The following PTPN12 variants were observed in gnomAD, a reference collection of about 807,000 sequenced individuals.
The protein encoded by PTPN12 is tyrosine-protein phosphatase non-receptor type 12.
Under a neutral mutation model 97.6 loss-of-function variants are expected in PTPN12, and 29 were observed. The ratio of observed to expected loss-of-function variants is 0.30; its 90% CI spans 0.22 to 0.41. PTPN12 has a LOEUF of 0.41. PTPN12 is among the 10% of genes least tolerant of loss of function. PTPN12 has a pLI of 1.00. For synonymous variants in PTPN12, 327 were observed against 300.4 expected, an observed-to-expected ratio of 1.09 and a Z score of -0.91; for missense variants, 819 against 926.0, an observed-to-expected ratio of 0.88 and a Z score of 1.50.
intron 2 of PTPN12, among the ~76,000 whole-genome samples, chr7:77,573,261 A>G (rs1023887593): frequency 1.3e-5 from 2 of 152,172 alleles, no homozygotes; most frequent in Non-Finnish European, 2.9e-5. Context: ...TATTACAGAA[A>G]TACCATAAAC....
rs981971148 is a variant in PTPN12, at chr7:77,637,136, A to G, written c.2173+88A>G. On this transcript the variant is annotated intron_variant, in intron 16 of 17. Coordinates refer to ENST00000248594, the MANE Select transcript of PTPN12 (RefSeq NM_002835.4). ...TAACATGCTTCATAGTTCATGCTATATAGTTATTTCTGTATGTGAAAATGT... is the reference window on the plus strand; with the variant it reads ...TAACATGCTTCATAGTTCATGCTATGTAGTTATTTCTGTATGTGAAAATGT... The G allele has an allele frequency of 1.1e-5, 12 of 1,061,106 alleles. No individual in the cohort carries two copies. In the Admixed American group the frequency reaches 1.9e-4, roughly 17 times the overall value. 65.7% of individuals were successfully genotyped at this position (1,061,106 alleles called of 1,614,324 possible).
chr7:77,547,340 C>T (rs553811282), intron 1 of PTPN12, among the ~76,000 whole-genome samples: 1 of 152,226 alleles, frequency 6.6e-6, no homozygotes, highest in African/African-American at 2.4e-5. Context: ...TTCCTGGGGG[C>T]AGTGGGTGGG....
intron 8 of PTPN12, among the ~76,000 whole-genome samples, chr7:77,605,454 C>G (rs1394065109): frequency 9.1e-6 from 1 of 110,484 alleles, no homozygotes; most frequent in African/African-American, 3.6e-5. Flanking sequence ...GAGTCTCGCT[C>G]TGTCGCCCAA....
At chr7:77,557,627 A>G (rs1198385139) in intron 1 of PTPN12, among the ~76,000 whole-genome samples, 1 of 152,204 alleles carries the variant, frequency 6.6e-6, no homozygotes. Flanking sequence ...ACACTGTGCA[A>G]TTAGGACTCT....
intron 11 of PTPN12, among the ~76,000 whole-genome samples, chr7:77,614,457 T>C (rs1456726199): frequency 6.6e-6 from 1 of 152,208 alleles, no homozygotes. Context: ...ATAATACCCA[T>C]AGCAGATAAG....
At chr7:77,630,741 A>G (rs1789370221) in intron 13 of PTPN12, among the ~76,000 whole-genome samples, 1 of 152,224 alleles carries the variant, frequency 6.6e-6, no homozygotes, top group Non-Finnish European at 1.5e-5. Context: ...TATCAATTCT[A>G]ATTTCAGTCT....
In PTPN12 at chr7:77,627,028, T is replaced by C. The variant is rs763365559; in HGVS notation, c.1349T>C (p.Phe450Ser). 6.2e-7 allele frequency: 1 copy of C among 1,608,572 alleles called. No homozygotes were observed. Among genetic ancestry groups the C allele is most frequent in the South Asian group, 1.1e-5 (1 of 90,568 alleles). The change falls in exon 13 of 18, where the codon TTT (phenylalanine) becomes TCT (serine). Residue 450 changes from phenylalanine (F) to serine (S), a missense_variant. Transcript: ENST00000248594. ...CCTCTCCAAGAGGGACCAAAAAGTT[T>C]TGATGGGAACACACTTTTGAATAGG... ...KVPLQEGPKS[F>S]DGNTLLNRGH...
intron 6 of PTPN12, among the ~76,000 whole-genome samples, chr7:77,596,821 A>T (rs1655788363): frequency 6.6e-6 from 1 of 152,212 alleles, no homozygotes; most frequent in Non-Finnish European, 1.5e-5. Flanking sequence ...CTCATTATCA[A>T]CATTCCCTAC....
At chr7:77,635,909 A>C (rs1046733213) in intron 15 of PTPN12, 60 bp downstream of exon 15, 10 of 1,156,870 alleles carry the variant, frequency 8.6e-6, no homozygotes, top group African/African-American at 1.6e-5. Flanking sequence ...TTGTTAACTA[A>C]TCTTGCAGTT....
intron 2 of PTPN12, among the ~76,000 whole-genome samples, chr7:77,580,884 TTG>T (rs1473320072): frequency 6.6e-6 from 1 of 152,208 alleles, no homozygotes; most frequent in Non-Finnish European, 1.5e-5. Flanking sequence ...CATCAGCCAC[TTG>T]GTATGTTTGT....
intron 5 of PTPN12, among the ~76,000 whole-genome samples, chr7:77,587,067 G>A (rs775550399): frequency 4.6e-5 from 7 of 151,520 alleles, no homozygotes; most frequent in Admixed American, 1.3e-4. Flanking sequence ...TTCCAAACTC[G>A]TGTTAATCTT....
intron 11 of PTPN12, among the ~76,000 whole-genome samples, chr7:77,618,163 G>A (rs1393689661): frequency 2.6e-5 from 4 of 151,950 alleles, no homozygotes; most frequent in Admixed American, 2.0e-4. Context: ...GGCGGGGCGG[G>A]GGGATACTAC....
chr7:77,605,410 T>TTTTTTTTTG (rs1788331692), intron 8 of PTPN12, among the ~76,000 whole-genome samples: 1 of 23,236 alleles, frequency 4.3e-5, no homozygotes, highest in African/African-American at 2.8e-4. Flanking sequence ...TTGTCATGAG[T>TTTTTTTTTG]TTTTTTTTTT....
chr7:77,578,881 G>T (rs1341354403), intron 2 of PTPN12, among the ~76,000 whole-genome samples: 1 of 151,972 alleles, frequency 6.6e-6, no homozygotes, highest in South Asian at 2.1e-4. Flanking sequence ...AACTATAAAA[G>T]GGAAAGGCAG....
At position 77,547,875 on chromosome 7, in the gene PTPN12, G is replaced by T. The variant is rs187230800; in HGVS notation, c.99+10230G>T. On this transcript the variant is annotated intron_variant, in intron 1 of 17. Transcript: ENST00000248594. ...GTGGGTTTTAGATGGGAAGAACAGG[G>T]TCAGTGTGTATAAAATAAGAAAATC... Among the ~76,000 whole-genome samples, 236 of 152,304 alleles carry T rather than the reference G, an allele frequency of 1.5e-3. 3 individuals carry two copies. Among genetic ancestry groups the T allele is most frequent in the Non-Finnish European group, 1.3e-4 (9 of 68,020 alleles).
At chr7:77,598,285 A>G (rs1385573136) in intron 7 of PTPN12, among the ~76,000 whole-genome samples, 1 of 152,160 alleles carries the variant, frequency 6.6e-6, no homozygotes, top group African/African-American at 2.4e-5. Context: ...AAAACCACCT[A>G]TTGGGTAGTA....
intron 6 of PTPN12, among the ~76,000 whole-genome samples, chr7:77,593,429 A>G (rs1016330937): frequency 1.3e-5 from 2 of 152,240 alleles, no homozygotes; most frequent in Admixed American, 1.3e-4. Flanking sequence ...GAGGCTGGCC[A>G]GTCCAAAATC....
chr7:77,620,110 T>C (rs1788881965), intron 12 of PTPN12, among the ~76,000 whole-genome samples: 2 of 152,336 alleles, frequency 1.3e-5, no homozygotes, highest in South Asian at 4.1e-4. Flanking sequence ...CCCTGTGTTT[T>C]AATTTGGTTT....
chr7:77,608,837 T>G (rs1253468852), intron 9 of PTPN12, among the ~76,000 whole-genome samples: 1 of 152,210 alleles, frequency 6.6e-6, no homozygotes, highest in African/African-American at 2.4e-5. Flanking sequence ...CGATCACATT[T>G]TAACATAAAA....
Sources: allele counts gnomAD v4.1 joint callset (sites outside exome capture counted in the v4.1 genomes callset), GRCh38; gene constraint gnomAD v4.1.1; transcripts MANE v1.5; gene names NCBI Gene and HGNC (gene_info 2026-07-23, HGNC 2026-07-21).